MRE11: variants seen among roughly 807,000 people sequenced by gnomAD.
The protein encoded by MRE11 is MRE11 double strand break repair nuclease.
Under a neutral mutation model 91.7 loss-of-function variants are expected in MRE11, and 62 were observed. That is an observed-to-expected ratio of 0.68 (90% CI 0.55 to 0.84). The LOEUF (loss-of-function observed/expected upper bound fraction) is 0.84, where lower values mean the gene tolerates loss of function less well. Among genes scored for constraint, MRE11 ranks in the 40% least tolerant of loss-of-function variants. The pLI, the probability that MRE11 is intolerant of heterozygous loss-of-function variation, is 0.00. For missense variants in MRE11, 796 were observed against 852.9 expected (o/e 0.93, Z 0.83); for synonymous variants, 273 against 271.4 (o/e 1.01, Z -0.06).
intron 2 of MRE11, among the ~76,000 whole-genome samples, chr11:94,491,652 A>G (rs966369747): frequency 3.9e-5 from 6 of 152,222 alleles, no homozygotes; most frequent in African/African-American, 1.4e-4. Flanking sequence ...GACAAATGAG[A>G]AGGCTAAACC....
intron 14 of MRE11, 84 bp from the exon 15 acceptor site, chr11:94,447,522 T>C: frequency 1.5e-6 from 2 of 1,309,898 alleles, no homozygotes. Flanking sequence ...TGACATGAAC[T>C]AATCATACTA....
intron 14 of MRE11, among the ~76,000 whole-genome samples, chr11:94,454,718 A>G (rs914823623): frequency 6.6e-6 from 1 of 152,180 alleles, no homozygotes; most frequent in Non-Finnish European, 1.5e-5. Context: ...CCTTCCTTGT[A>G]TAAGACGTTC....
At chr11:94,506,772 T>C in the MRE11 span, among the ~76,000 whole-genome samples, 1 of 152,012 alleles carries the variant, frequency 6.6e-6, no homozygotes, top group African/African-American at 2.4e-5. Context: ...ATTTTTCTTT[T>C]ATTGAGAGAG....
chr11:94,439,455 T>C (rs1945715241), intron 16 of MRE11, among the ~76,000 whole-genome samples: 1 of 152,216 alleles, frequency 6.6e-6, no homozygotes, highest in African/African-American at 2.4e-5. Context: ...ATTCACATAA[T>C]ATTCATCTTC....
intron 19 of MRE11, among the ~76,000 whole-genome samples, chr11:94,425,667 GA>G (rs1361005615): frequency 6.6e-6 from 1 of 151,538 alleles, no homozygotes; most frequent in Non-Finnish European, 1.5e-5. Context: ...ACATGCAAAT[GA>G]AAAACAAAAA....
rs113220421 is a variant in MRE11 at position 94,450,754 on chromosome 11, A to T, written c.1564-3316T>A. Among the ~76,000 whole-genome samples the T allele has an allele frequency of 7.8e-3, 1,186 of 152,288 alleles. 17 individuals are homozygous for T. Among genetic ancestry groups the T allele is most frequent in the African/African-American group, 0.027 (1,137 of 41,568 alleles). ...CTATAGCCTGCTAAGAATAAATGTA[A>T]ATAAGTTAATTCTGTATCCAAAAAG... On this transcript the variant is annotated intron_variant, in intron 14 of 19. Transcript: ENST00000323929.
chr11:94,447,582 A>G, intron 14 of MRE11, 144 bp from the exon 15 acceptor site: 2 of 831,818 alleles, frequency 2.4e-6, no homozygotes, highest in Non-Finnish European at 3.8e-6. Flanking sequence ...TAATCTCAGC[A>G]CTTTGGGAGG....
chr11:94,447,955 C>T (rs1424117760), intron 14 of MRE11, among the ~76,000 whole-genome samples: 2 of 151,846 alleles, frequency 1.3e-5, no homozygotes, highest in Admixed American at 6.6e-5. Context: ...AAAATGAGAC[C>T]CTTTGAAAAG....
At chr11:94,434,704 T>A (rs1271629612) in intron 18 of MRE11, among the ~76,000 whole-genome samples, 2 of 152,156 alleles carry the variant, frequency 1.3e-5, no homozygotes, top group Non-Finnish European at 2.9e-5. Context: ...ACATTCCTTG[T>A]TCCTTTTTTC....
intron 13 of MRE11, 120 bp downstream of exon 13, chr11:94,459,288 A>T: frequency 9.8e-7 from 1 of 1,019,392 alleles, no homozygotes; most frequent in Non-Finnish European, 1.5e-6. Context: ...TCAATTTTAT[A>T]GATGAGAAAA....
Position 94,471,771 on chromosome 11 carries a change from T to G in MRE11, c.660-12A>C. The G allele has an allele frequency of 6.2e-7, 1 of 1,601,824 alleles. No individual in the cohort carries two copies. The highest frequency in any genetic ancestry group is 8.5e-7 in the Non-Finnish European group (1 of 1,171,324). On this transcript the variant is annotated splice_polypyrimidine_tract_variant and intron_variant, in intron 7 of 19. Coordinates refer to ENST00000323929, the MANE Select transcript of MRE11 (RefSeq NM_005591.4). ...TTCCATGTTTACTCCTGTATCAAGA[T>G]TTTGAAAAATATAAATTCGGTGATT...
chr11:94,497,260 A>G (rs1455543713), upstream of MRE11: 6 of 503,390 alleles, frequency 1.2e-5, no homozygotes, highest in African/African-American at 9.6e-5. Flanking sequence ...TAACTATACC[A>G]GGTACCTTAT....
At chr11:94,420,239 CAG>C in intron 19 of MRE11, 58 bp from the exon 20 acceptor site, 1 of 1,406,820 alleles carries the variant, frequency 7.1e-7, no homozygotes, top group Non-Finnish European at 9.9e-7. Flanking sequence ...TGAAACAAGA[CAG>C]AAGTTCTTAT....
At chr11:94,493,452 G>A (rs531843263) in intron 1 of MRE11, among the ~76,000 whole-genome samples, 18 of 152,258 alleles carry the variant, frequency 1.2e-4, no homozygotes, top group African/African-American at 4.1e-4. Context: ...CCAGGTTTGG[G>A]GAAGAGTGGC....
chr11:94,453,507 C>G (rs990120510), intron 14 of MRE11, among the ~76,000 whole-genome samples: 16 of 152,132 alleles, frequency 1.1e-4, no homozygotes, highest in Non-Finnish European at 2.2e-4. Flanking sequence ...TAATAACAGC[C>G]ATCCTAATGG....
At chr11:94,506,196 TG>T in the MRE11 span, among the ~76,000 whole-genome samples, 760 of 151,234 alleles carry the variant, frequency 5.0e-3, 7 homozygotes, top group African/African-American at 0.017. Context: ...GTTTTTTTTT[TG>T]GGTAAGGATT....
chr11:94,465,759 T>C (rs1256074293), intron 10 of MRE11, among the ~76,000 whole-genome samples: 1 of 152,230 alleles, frequency 6.6e-6, no homozygotes, highest in East Asian at 1.9e-4. Flanking sequence ...CTAAAGCTAT[T>C]AGGTCTCTCC....
chr11:94,435,491 G>A (rs1480439704), intron 18 of MRE11, among the ~76,000 whole-genome samples: 2 of 152,160 alleles, frequency 1.3e-5, no homozygotes, highest in East Asian at 3.8e-4. Flanking sequence ...AGAAAGTGGA[G>A]GTTGCAGTGA....
Position 94,437,925 on chromosome 11 carries a change from G to A in MRE11, c.1868-690C>T, listed in dbSNP as rs183485246. ...GGATCACTTAAGGTCCAGAGTTCAA[G>A]ACAAGCCTGGCCAACATGGTGAAAC... is the stretch of plus-strand genomic sequence containing the variant. On this transcript the variant is annotated intron_variant, in intron 16 of 19. Coordinates refer to ENST00000323929, the MANE Select transcript of MRE11 (RefSeq NM_005591.4). Among the ~76,000 whole-genome samples, 1,284 of 152,170 alleles carry A rather than the reference G, an allele frequency of 8.4e-3. 9 individuals carry two copies. The highest frequency in any genetic ancestry group is 0.014 in the Non-Finnish European group (928 of 67,996).
Sources: allele counts gnomAD v4.1 joint callset (sites outside exome capture counted in the v4.1 genomes callset), GRCh38; gene constraint gnomAD v4.1.1; transcripts MANE v1.5; gene names NCBI Gene and HGNC (gene_info 2026-07-23, HGNC 2026-07-21).